PELI2: variants seen among roughly 807,000 people sequenced by gnomAD.
PELI2 encodes the protein E3 ubiquitin-protein ligase pellino homolog 2.
Under a neutral mutation model 42.3 loss-of-function variants are expected in PELI2, and 23 were observed. The observed-to-expected ratio is 0.54, with a 90% CI of 0.39 to 0.77. PELI2 has a LOEUF of 0.77. Among genes scored for constraint, PELI2 ranks in the 30% least tolerant of loss-of-function variants. PELI2 has a pLI of 0.00. For missense variants in PELI2, 463 were observed against 553.2 expected, an observed-to-expected ratio of 0.84 and a Z score of 1.64; for synonymous variants, 245 against 212.2, an observed-to-expected ratio of 1.15 and a Z score of -1.34.
chr14:56,145,870 T>A (rs1360260457), intron 1 of PELI2, among the ~76,000 whole-genome samples: 1 of 152,240 alleles, frequency 6.6e-6, no homozygotes, highest in African/African-American at 2.4e-5. Flanking sequence ...TTGACTTACA[T>A]TACTTTTGTT....
intron 5 of PELI2, among the ~76,000 whole-genome samples, chr14:56,295,064 C>G (rs1166654386): frequency 1.3e-5 from 2 of 151,540 alleles, no homozygotes; most frequent in Non-Finnish European, 3.0e-5. Flanking sequence ...TTGCTCAGAT[C>G]AAGAGCTGAG....
At position 56,284,501 on chromosome 14, in the gene PELI2, G is replaced by A. The variant is rs148739881; in HGVS notation, c.310-3936G>A. Among the ~76,000 whole-genome samples the A allele has an allele frequency of 2.4e-4, 36 of 152,272 alleles. No homozygotes were observed. In the East Asian group the frequency reaches 6.8e-3, roughly 29 times the overall value. ...TTTCACAGTTTCACAGGCTTCGAAC[G>A]CGGTGCTACAAGGCCTAACAGTTTT... On this transcript the variant is annotated intron_variant, in intron 3 of 5. Coordinates refer to ENST00000267460, the MANE Select transcript of PELI2 (RefSeq NM_021255.3).
chr14:56,284,745 C>T (rs986253136), intron 3 of PELI2, among the ~76,000 whole-genome samples: 1 of 152,208 alleles, frequency 6.6e-6, no homozygotes, highest in African/African-American at 2.4e-5. Flanking sequence ...CTGTCATAAT[C>T]TTCCAATTAC....
At chr14:56,233,219 G>A (rs945230097) in intron 2 of PELI2, among the ~76,000 whole-genome samples, 2 of 152,108 alleles carry the variant, frequency 1.3e-5, no homozygotes, top group African/African-American at 4.8e-5. Flanking sequence ...CATCAAGCTA[G>A]CAGTGACTTT....
At chr14:56,159,999 AAC>A (rs1161637021) in intron 1 of PELI2, among the ~76,000 whole-genome samples, 4 of 152,264 alleles carry the variant, frequency 2.6e-5, no homozygotes, top group South Asian at 4.1e-4. Context: ...TCTTTTCATA[AAC>A]AGTTTCTTTG....
chr14:56,233,606 A>C (rs1482961491), intron 2 of PELI2, among the ~76,000 whole-genome samples: 2 of 152,216 alleles, frequency 1.3e-5, no homozygotes, highest in African/African-American at 2.4e-5. Flanking sequence ...AAATTAACTC[A>C]AGATGGATTA....
chr14:56,152,032 G>A (rs1056413404), intron 1 of PELI2, among the ~76,000 whole-genome samples: 1 of 152,164 alleles, frequency 6.6e-6, no homozygotes, highest in Non-Finnish European at 1.5e-5. Flanking sequence ...TCACATAGTA[G>A]AAGCTGCCCT....
At position 56,219,083 on chromosome 14, in the gene PELI2, C is replaced by T. The variant is rs1291766890; in HGVS notation, c.207+40619C>T. Among the ~76,000 whole-genome samples, 1 of 152,042 alleles carries T rather than the reference C, an allele frequency of 6.6e-6. No individual in the cohort carries two copies. Among genetic ancestry groups the T allele is most frequent in the Non-Finnish European group, 1.5e-5 (1 of 68,004 alleles). ...TTCTTTTTCTAAGAATAAACAGAAC[C>T]CTAGGAAGGGAAGGTAGCTTCAAAT... On this transcript the variant is annotated intron_variant, in intron 2 of 5. Coordinates refer to ENST00000267460, the MANE Select transcript of PELI2 (RefSeq NM_021255.3). This position sits in a 1 kb window ranked among gnomAD's most constrained non-coding sequence, Gnocchi z 4.1.
chr14:56,257,466 A>T (rs1429571936), intron 2 of PELI2, among the ~76,000 whole-genome samples: 1 of 152,212 alleles, frequency 6.6e-6, no homozygotes, highest in African/African-American at 2.4e-5. Context: ...TATTAAAATT[A>T]TTTAAGTTTA....
intron 1 of PELI2, among the ~76,000 whole-genome samples, chr14:56,176,178 G>A (rs894122456): frequency 2.6e-5 from 4 of 152,190 alleles, no homozygotes; most frequent in Admixed American, 2.0e-4. Flanking sequence ...TTGGAGTTAA[G>A]GAATAGATGC....
chr14:56,268,583 C>T (rs1285566142), intron 2 of PELI2, among the ~76,000 whole-genome samples: 3 of 152,132 alleles, frequency 2.0e-5, no homozygotes. Flanking sequence ...CATTTCTTCC[C>T]CTGCGGCATT....
Position 56,235,065 on chromosome 14 carries a change from G to GA in PELI2, c.208-44609dup, listed in dbSNP as rs1393257270. ...CTAAGAAAACTAAAACAAGGCTTAG[G>GA]AAGTATATCAGGAAAAAACTGTCAT... is the stretch of plus-strand genomic sequence containing the variant. On this transcript the variant is annotated intron_variant, in intron 2 of 5. Coordinates refer to ENST00000267460, the MANE Select transcript of PELI2 (RefSeq NM_021255.3). 5.3e-5 allele frequency among the ~76,000 whole-genome samples: 8 copies of GA among 152,292 alleles called. No individual in the cohort carries two copies. The East Asian group carries it at 1.5e-3, about 29-fold the overall frequency.
chr14:56,193,715 A>C (rs1273148646), intron 2 of PELI2, among the ~76,000 whole-genome samples: 3 of 152,250 alleles, frequency 2.0e-5, no homozygotes, highest in East Asian at 1.9e-4. Flanking sequence ...AATTTTATCA[A>C]GTTTCTGACT....
chr14:56,140,840 C>G (rs759413031), intron 1 of PELI2, among the ~76,000 whole-genome samples: 7 of 152,114 alleles, frequency 4.6e-5, no homozygotes, highest in African/African-American at 9.7e-5. Context: ...ATTATGGGAG[C>G]TTTGCTGTTC....
intron 2 of PELI2, among the ~76,000 whole-genome samples, chr14:56,277,381 A>T (rs1889332240): frequency 6.6e-6 from 1 of 151,986 alleles, no homozygotes; most frequent in Admixed American, 6.6e-5. Context: ...GTTCCTTATG[A>T]GAATCTAATG....
chr14:56,227,764 G>A (rs1887411747), intron 2 of PELI2, among the ~76,000 whole-genome samples: 2 of 152,158 alleles, frequency 1.3e-5, no homozygotes, highest in Non-Finnish European at 2.9e-5. Flanking sequence ...CCAATTCCAG[G>A]GTCTGGGGAG....
chr14:56,226,557 C>CG, intron 2 of PELI2, among the ~76,000 whole-genome samples: 1 of 152,290 alleles, frequency 6.6e-6, no homozygotes, highest in African/African-American at 2.4e-5. Flanking sequence ...AAGTATCCCT[C>CG]AAATTGTATT....
At chr14:56,146,701 A>G (rs1566605592) in intron 1 of PELI2, among the ~76,000 whole-genome samples, 1 of 152,158 alleles carries the variant, frequency 6.6e-6, no homozygotes, top group Non-Finnish European at 1.5e-5. Context: ...ACATTCTAGC[A>G]CAGTCTTCAT....
chr14:56,267,764 A>G (rs1888959196), intron 2 of PELI2, among the ~76,000 whole-genome samples: 2 of 152,166 alleles, frequency 1.3e-5, no homozygotes, highest in South Asian at 2.1e-4. Flanking sequence ...AAAATGAGGG[A>G]AAAATTGGAA....
Sources: allele counts gnomAD v4.1 joint callset (sites outside exome capture counted in the v4.1 genomes callset), GRCh38; gene constraint gnomAD v4.1.1; non-coding constraint Gnocchi (gnomAD v3.1); transcripts MANE v1.5; gene names NCBI Gene and HGNC (gene_info 2026-07-23, HGNC 2026-07-21).